TCF7L1: variants seen among roughly 807,000 people sequenced by gnomAD.
The protein encoded by TCF7L1 is transcription factor 7-like 1.
A neutral mutation model predicts 63.7 loss-of-function variants in TCF7L1; 18 were observed. The ratio of observed to expected loss-of-function variants is 0.28; its 90% confidence interval spans 0.20 to 0.42. The LOEUF (loss-of-function observed/expected upper bound fraction) is 0.42. Among genes scored for constraint, TCF7L1 ranks in the 10% least tolerant of loss-of-function variants. The pLI is 1.00. For missense variants in TCF7L1, 654 were observed against 779.3 expected (o/e 0.84, Z 1.91); for synonymous variants, 355 against 340.9 (o/e 1.04, Z -0.46).
At chr2:85,202,417 GTAT>G (rs1679291604) in intron 3 of TCF7L1, among the ~76,000 whole-genome samples, 1 of 151,888 alleles carries the variant, frequency 6.6e-6, no homozygotes, top group Non-Finnish European at 1.5e-5. Flanking sequence ...TTTCTTTGTA[GTAT>G]TCTTTGAAGC....
At chr2:85,243,879 C>G (rs1359355993) in intron 3 of TCF7L1, among the ~76,000 whole-genome samples, 1 of 152,150 alleles carries the variant, frequency 6.6e-6, no homozygotes, top group African/African-American at 2.4e-5. Context: ...GAACAGCACC[C>G]CCTGGGGGTG....
intron 3 of TCF7L1, among the ~76,000 whole-genome samples, chr2:85,270,673 C>T (rs902215418): frequency 2.0e-5 from 3 of 152,044 alleles, no homozygotes; most frequent in African/African-American, 7.2e-5. Flanking sequence ...CCCAAGATTC[C>T]GAGATCAGTT....
At chr2:85,258,355 G>A (rs1377329686) in intron 3 of TCF7L1, among the ~76,000 whole-genome samples, 5 of 152,152 alleles carry the variant, frequency 3.3e-5, no homozygotes, top group Non-Finnish European at 7.3e-5. Context: ...AGGCTTGAGA[G>A]CCTGCCTGAC....
Position 85,310,077 on chromosome 2 carries a change from A to G in TCF7L1, c.*615A>G, listed in dbSNP as rs1453904672. 6.6e-6 allele frequency: 1 copy of G among 152,616 alleles called. No individual in the cohort carries two copies. Among genetic ancestry groups the G allele is most frequent in the Non-Finnish European group, 1.5e-5 (1 of 68,094 alleles). 9.5% of individuals were successfully genotyped at this position (152,616 alleles called of 1,614,324 possible). A position where few individuals can be genotyped will look rare whatever the true frequency, so the allele number is the denominator to read the frequency against. ...GAAATGGTTTCCTCCCAACCCCCGC[A>G]TTTAAAGGGACTCAAGGTGCCTGCC... On this transcript the variant is annotated 3_prime_UTR_variant, in exon 12 of 12. Coordinates refer to ENST00000282111, the MANE Select transcript of TCF7L1 (RefSeq NM_031283.3).
intron 3 of TCF7L1, among the ~76,000 whole-genome samples, chr2:85,212,568 T>C (rs1413264314): frequency 6.6e-6 from 1 of 152,130 alleles, no homozygotes; most frequent in African/African-American, 2.4e-5. Flanking sequence ...TCTTTTGAAT[T>C]GGGCCTGAAC....
chr2:85,203,304 A>C (rs1030216385), intron 3 of TCF7L1, among the ~76,000 whole-genome samples: 1 of 152,236 alleles, frequency 6.6e-6, no homozygotes, highest in Non-Finnish European at 1.5e-5. Context: ...GTCACAGGTG[A>C]GTTGCCAAAC....
At chr2:85,203,743 G>GA (rs926053574) in intron 3 of TCF7L1, among the ~76,000 whole-genome samples, 8 of 126,066 alleles carry the variant, frequency 6.3e-5, no homozygotes, top group African/African-American at 2.0e-4. Flanking sequence ...AAAGAAAAAA[G>GA]AAAAAAAAAG....
intron 3 of TCF7L1, among the ~76,000 whole-genome samples, chr2:85,236,059 G>A (rs1680183864): frequency 1.3e-5 from 2 of 152,106 alleles, no homozygotes; most frequent in South Asian, 2.1e-4. Flanking sequence ...GAGCTGAGGT[G>A]AGAGGATTGC....
At chr2:85,304,216 C>A (rs567784725) in intron 6 of TCF7L1, 39 bp from the exon 7 acceptor site, 7 of 1,591,096 alleles carry the variant, frequency 4.4e-6, no homozygotes, top group African/African-American at 1.3e-5. Context: ...CTGCCCTGAG[C>A]TTTCCCAATA....
At chr2:85,226,271 C>T (rs1455956465) in intron 3 of TCF7L1, among the ~76,000 whole-genome samples, 1 of 152,180 alleles carries the variant, frequency 6.6e-6, no homozygotes, top group East Asian at 1.9e-4. Flanking sequence ...GCTTTGGTAT[C>T]AGGATGATGC....
chr2:85,209,438 C>T (rs1389352752), intron 3 of TCF7L1, among the ~76,000 whole-genome samples: 1 of 152,212 alleles, frequency 6.6e-6, no homozygotes, highest in Non-Finnish European at 1.5e-5. Flanking sequence ...TGCTGGGAAT[C>T]CTGCTGCTTT....
At chr2:85,200,555 A>AG (rs1458860483) in intron 3 of TCF7L1, among the ~76,000 whole-genome samples, 8 of 152,198 alleles carry the variant, frequency 5.3e-5, no homozygotes, top group African/African-American at 1.9e-4. Context: ...GCAACTACAC[A>AG]GCTGCAGACC....
chr2:85,141,104 T>C (rs1050875265), intron 3 of TCF7L1, among the ~76,000 whole-genome samples: 2 of 152,072 alleles, frequency 1.3e-5, no homozygotes, highest in African/African-American at 2.4e-5. Flanking sequence ...TGTACAACAT[T>C]GCAAGACCCA....
intron 3 of TCF7L1, among the ~76,000 whole-genome samples, chr2:85,261,313 T>C (rs1680853224): frequency 6.6e-6 from 1 of 152,188 alleles, no homozygotes; most frequent in Non-Finnish European, 1.5e-5. Context: ...TATCGAAGTG[T>C]ATTACACAGG....
At chr2:85,136,343 CTTCT>C (rs1359918985) in intron 3 of TCF7L1, among the ~76,000 whole-genome samples, 1 of 152,146 alleles carries the variant, frequency 6.6e-6, no homozygotes, top group African/African-American at 2.4e-5. Flanking sequence ...TCCTTCCTTC[CTTCT>C]ATCACATTAT....
In TCF7L1 at chr2:85,306,029, G is replaced by A. The variant is rs1682100200; in HGVS notation, c.990-177G>A. Among the ~76,000 whole-genome samples, 1 of 152,124 alleles carries A rather than the reference G, an allele frequency of 6.6e-6. No individual in the cohort carries two copies. The highest frequency in any genetic ancestry group is 2.4e-5 in the African/African-American group (1 of 41,412). ...TCTGGCGTGGAGATCGTTCAAAGGT[G>A]GGAAACTACGGGAGGAAGGTACTCA... On this transcript the variant is annotated intron_variant, in intron 8 of 11. Coordinates refer to ENST00000282111, the MANE Select transcript of TCF7L1 (RefSeq NM_031283.3). This position sits in a 1 kb window ranked among gnomAD's most constrained non-coding sequence, Gnocchi z 4.3.
At chr2:85,294,226 C>T (rs1410778394) in intron 4 of TCF7L1, among the ~76,000 whole-genome samples, 2 of 151,562 alleles carry the variant, frequency 1.3e-5, no homozygotes, top group African/African-American at 2.4e-5. Context: ...TTAGTAAAGA[C>T]GGGGTTTCAC....
intron 3 of TCF7L1, among the ~76,000 whole-genome samples, chr2:85,147,631 T>G (rs537114154): frequency 6.6e-6 from 1 of 152,092 alleles, no homozygotes; most frequent in South Asian, 2.1e-4. Flanking sequence ...CCCAGGACCC[T>G]AGCATTAAGG....
At chr2:85,264,221 G>T (rs1186150513) in intron 3 of TCF7L1, among the ~76,000 whole-genome samples, 1 of 152,224 alleles carries the variant, frequency 6.6e-6, no homozygotes, top group Non-Finnish European at 1.5e-5. Flanking sequence ...TTTGAACCAT[G>T]ACTTGGAGTT....
Sources: gnomAD v4.1 joint callset for allele counts (sites outside exome capture counted in the v4.1 genomes callset) on GRCh38, gnomAD v4.1.1 for gene constraint, Gnocchi (gnomAD v3.1) non-coding constraint, MANE v1.5 for transcripts, NCBI Gene and HGNC (gene_info 2026-07-23, HGNC 2026-07-21) for gene names.